The following CUEDC1 variants were observed in gnomAD, a reference collection of about 807,000 sequenced individuals.
CUEDC1 encodes the protein CUE domain-containing protein 1.
A neutral mutation model predicts 43.7 loss-of-function variants in CUEDC1; 30 were observed. That is an observed-to-expected ratio of 0.69 (90% CI 0.51 to 0.93). The LOEUF is 0.93. Ranked by LOEUF, CUEDC1 falls within the 40% of genes least tolerant of loss-of-function variation. The probability of loss-of-function intolerance (pLI) is 0.00; values close to 1 mark genes in which losing one functional copy is unlikely to be tolerated. For missense variants in CUEDC1, 486 were observed against 549.0 expected, an observed-to-expected ratio of 0.89 and a Z score of 1.15; for synonymous variants, 223 against 223.6, an observed-to-expected ratio of 1.00 and a Z score of 0.02.
intron 1 of CUEDC1, among the ~76,000 whole-genome samples, chr17:57,886,929 CT>C (rs1568037253): frequency 1.3e-5 from 2 of 151,770 alleles, no homozygotes; most frequent in Admixed American, 6.6e-5. Context: ...CACCATTCTC[CT>C]GCCTCAGCCT....
rs199516462 is a variant in CUEDC1 at position 57,873,709 on chromosome 17, G to T, written c.473C>A (p.Ala158Glu). 106 of 1,584,730 alleles carry T rather than the reference G, an allele frequency of 6.7e-5. No individual in the cohort carries two copies. Among genetic ancestry groups the T allele is most frequent in the Middle Eastern group, 5.0e-4 (3 of 5,978 alleles). The change falls in exon 4 of 11, where the codon GCG becomes GAG. Residue 158 changes from alanine to glutamate, a missense_variant. Ala to Glu is a moderately radical substitution (Grantham distance 107). Coordinates refer to ENST00000577830, the MANE Select transcript of CUEDC1 (RefSeq NM_001271875.2). ...GCTTGTAGGGGCTCCAGAGCCCAGC[G>T]CGTCGATACTAGGGGATGGCAGGTG... ...APPTPPPRID[A>E]LGSGAPTSQR...
At chr17:57,887,593 G>A (rs1270572015) in intron 1 of CUEDC1, among the ~76,000 whole-genome samples, 1 of 142,502 alleles carries the variant, frequency 7.0e-6, no homozygotes, top group Non-Finnish European at 1.5e-5. Context: ...CCAGGTTCAA[G>A]CAGTTCTCCT....
intron 1 of CUEDC1, among the ~76,000 whole-genome samples, chr17:57,943,312 C>T (rs1338811103): frequency 1.3e-5 from 2 of 152,178 alleles, no homozygotes; most frequent in Non-Finnish European, 1.5e-5. Context: ...CAGTCAAATG[C>T]CATCTCACTC....
intron 9 of CUEDC1, chr17:57,866,881 AC>A (rs2073966799): frequency 2.7e-6 from 1 of 369,426 alleles, no homozygotes; most frequent in African/African-American, 2.0e-5. Flanking sequence ...ATGCCTCCTG[AC>A]CCTCGAATGT....
In CUEDC1 at chr17:57,864,033, GA is replaced by G. The variant is rs1039322224; in HGVS notation, c.*4-749del. Among the ~76,000 whole-genome samples the G allele has an allele frequency of 1.6e-4, 24 of 147,800 alleles. 1 individual carries two copies. The highest frequency in any genetic ancestry group is 2.1e-4 in the Non-Finnish European group (14 of 66,622). ...AAAAAAAAAAGAAAGAAAAGAAAAA[GA>G]AAAAAAAAGATTCATTCAAAGAGCA... On this transcript the variant is annotated intron_variant, in intron 10 of 10. Coordinates refer to ENST00000577830, the MANE Select transcript of CUEDC1 (RefSeq NM_001271875.2).
intron 10 of CUEDC1, among the ~76,000 whole-genome samples, chr17:57,863,733 G>C (rs1017773169): frequency 6.6e-6 from 1 of 152,186 alleles, no homozygotes; most frequent in Admixed American, 6.5e-5. Flanking sequence ...TTCAGGCCAG[G>C]CGCAGTGGCT....
At chr17:57,890,681 T>C (rs750550860) in intron 1 of CUEDC1, among the ~76,000 whole-genome samples, 35 of 152,208 alleles carry the variant, frequency 2.3e-4, no homozygotes, top group Non-Finnish European at 4.3e-4. Flanking sequence ...TCTCCTAGCA[T>C]AAGCACGCAG....
intron 1 of CUEDC1, among the ~76,000 whole-genome samples, chr17:57,887,517 G>A (rs1189198664): frequency 1.6e-5 from 2 of 127,472 alleles, no homozygotes; most frequent in Admixed American, 8.1e-5. Flanking sequence ...TTTTTTTTTC[G>A]GTCTCACTTT....
intron 1 of CUEDC1, among the ~76,000 whole-genome samples, chr17:57,912,112 G>A (rs1007355981): frequency 1.3e-5 from 2 of 152,066 alleles, no homozygotes; most frequent in Admixed American, 6.6e-5. Flanking sequence ...CCTCCCAACC[G>A]CAGCCCAACG....
chr17:57,877,399 G>GCGGGAGGACTGCTAGAGCC (rs2074140693), intron 3 of CUEDC1, among the ~76,000 whole-genome samples: 1 of 152,132 alleles, frequency 6.6e-6, no homozygotes, highest in Non-Finnish European at 1.5e-5. Context: ...GGAGGCTGAG[G>GCGGGAGGACTGCTAGAGCC]CGGGAGGACT....
chr17:57,930,458 C>T lies in CUEDC1; in HGVS notation c.-316+24767G>A, dbSNP rs1358415320. On this transcript the variant is annotated intron_variant, in intron 1 of 10. Transcript: ENST00000577830. The surrounding 1 kb of genome is among the most constrained non-coding windows in gnomAD (Gnocchi z 4.2). ...TTTATCCTGAGTCAGAAACCAAAGC[C>T]CTCTCCGTCCCAGGGGTTTAACAGA... Among the ~76,000 whole-genome samples, 1 of 152,224 alleles carries T rather than the reference C, an allele frequency of 6.6e-6. No individual in the cohort carries two copies. Among genetic ancestry groups the T allele is most frequent in the African/African-American group, 2.4e-5 (1 of 41,460 alleles).
chr17:57,949,231 T>C (rs554769457), intron 1 of CUEDC1, among the ~76,000 whole-genome samples: 1 of 152,334 alleles, frequency 6.6e-6, no homozygotes, highest in Non-Finnish European at 1.5e-5. Flanking sequence ...AAGTGCCCCC[T>C]TCCTCAGTGC....
intron 1 of CUEDC1, among the ~76,000 whole-genome samples, chr17:57,924,112 A>AT (rs34465364): frequency 0.012 from 1,720 of 148,476 alleles, 7 homozygotes; most frequent in Non-Finnish European, 0.018. Flanking sequence ...TTCTTCCTGC[A>AT]TTTTTTTTTT....
chr17:57,935,664 C>A (rs1467866071), intron 1 of CUEDC1, among the ~76,000 whole-genome samples: 1 of 152,068 alleles, frequency 6.6e-6, no homozygotes, highest in Non-Finnish European at 1.5e-5. Context: ...CAAAACAAGG[C>A]CCCCTTTGAA....
chr17:57,879,514 T>C, intron 3 of CUEDC1, 97 bp downstream of exon 3: 1 of 1,436,702 alleles, frequency 7.0e-7, no homozygotes, highest in Non-Finnish European at 9.1e-7. Flanking sequence ...TGAAATATAC[T>C]GAGCAGTCCA....
chr17:57,929,778 C>T (rs1208746439), intron 1 of CUEDC1, among the ~76,000 whole-genome samples: 1 of 152,188 alleles, frequency 6.6e-6, no homozygotes, highest in South Asian at 2.1e-4. Flanking sequence ...TCTTCTAGCA[C>T]AGCGCTTCTC....
intron 6 of CUEDC1, 54 bp from the exon 7 acceptor site, chr17:57,869,247 T>TAC: frequency 6.6e-7 from 1 of 1,509,148 alleles, no homozygotes. Flanking sequence ...ATGGCCGCTG[T>TAC]CCCAGCCCTA....
intron 2 of CUEDC1, among the ~76,000 whole-genome samples, chr17:57,884,184 TTTC>T (rs963933563): frequency 3.5e-5 from 5 of 144,014 alleles, no homozygotes; most frequent in African/African-American, 1.3e-4. Context: ...CCGCACTCTT[TTTC>T]TTTTCTTTTT....
rs141793996 is a variant in CUEDC1, at chr17:57,905,521, G to A, written c.-315-19642C>T. Among the ~76,000 whole-genome samples the A allele has an allele frequency of 4.2e-4, 64 of 152,302 alleles. No homozygotes were observed. The East Asian group carries it at 0.012, about 28-fold the overall frequency. Reference sequence around the variant, plus strand: ...CTGGGCTGGAGGGCCTCCCCAGTGCGTGCTCAGCTCACATTCCCCAAACAG... The same window carrying A: ...CTGGGCTGGAGGGCCTCCCCAGTGCATGCTCAGCTCACATTCCCCAAACAG... On this transcript the variant is annotated intron_variant, in intron 1 of 10. Transcript: ENST00000577830.
Sources: gnomAD v4.1 joint callset for allele counts (sites outside exome capture counted in the v4.1 genomes callset) on GRCh38, gnomAD v4.1.1 for gene constraint, Gnocchi (gnomAD v3.1) non-coding constraint, MANE v1.5 for transcripts, NCBI Gene and HGNC (gene_info 2026-07-23, HGNC 2026-07-21) for gene names.